ACMSD: variants seen among roughly 807,000 people sequenced by gnomAD.
The protein encoded by ACMSD is aminocarboxymuconate semialdehyde decarboxylase.
ACMSD carries 37 observed loss-of-function variants against 45.9 expected under a neutral mutation model. That is an observed-to-expected ratio of 0.81 (90% CI 0.62 to 1.06). The LOEUF is 1.06. Ranked by LOEUF, ACMSD falls within the 50% of genes least tolerant of loss-of-function variation. ACMSD has a pLI of 0.00. For synonymous variants in ACMSD, 138 were observed against 148.8 expected, an observed-to-expected ratio of 0.93 and a Z score of 0.53; for missense variants, 434 against 420.9, an observed-to-expected ratio of 1.03 and a Z score of -0.27.
At chr2:134,875,169 T>C (rs1337170711) in intron 8 of ACMSD, among the ~76,000 whole-genome samples, 2 of 152,268 alleles carry the variant, frequency 1.3e-5, no homozygotes, top group East Asian at 3.9e-4. Flanking sequence ...CCCAACTCTT[T>C]TTTTTATTTT....
intron 5 of ACMSD, among the ~76,000 whole-genome samples, chr2:134,865,656 C>A (rs1688062987): frequency 1.3e-5 from 2 of 152,166 alleles, no homozygotes; most frequent in Non-Finnish European, 2.9e-5. Context: ...CAATAATGTG[C>A]TGAAATGAAT....
intron 1 of ACMSD, among the ~76,000 whole-genome samples, chr2:134,841,304 A>C (rs1178783861): frequency 1.3e-5 from 2 of 152,060 alleles, no homozygotes; most frequent in East Asian, 3.9e-4. Flanking sequence ...CCTCCCCACC[A>C]CCACACCCAT....
intron 8 of ACMSD, chr2:134,873,795 A>C (rs1688591173): frequency 1.3e-5 from 2 of 152,056 alleles, no homozygotes. Context: ...GTGACTGTTG[A>C]TTGTTTTTGG....
chr2:134,872,574 C>T lies in ACMSD; in HGVS notation c.782C>T (p.Ser261Phe). ...ATGAACCCGAAGAAATACCTTGGTT[C>T]CTTTTACACAGATGCTTTGGTTCAT... ...NPMNPKKYLG[S>F]FYTDALVHDP... The change falls in exon 8 of 10, where the codon TCC becomes TTC. Residue 261 changes from serine (S) to phenylalanine (F), a missense_variant. Physicochemically the swap from Ser to Phe is radical, Grantham distance 155 (BLOSUM62 -2). Transcript: ENST00000356140. 1 of 1,614,124 alleles carries T rather than the reference C, an allele frequency of 6.2e-7. No individual in the cohort carries two copies. Among genetic ancestry groups the T allele is most frequent in the Non-Finnish European group, 8.5e-7 (1 of 1,180,020 alleles).
chr2:134,870,825 C>T (rs1369448389), intron 6 of ACMSD, 140 bp from the exon 7 acceptor site: 1 of 642,114 alleles, frequency 1.6e-6, no homozygotes, highest in African/African-American at 1.8e-5. Flanking sequence ...AAAGTAATGT[C>T]CTATATAATA....
intron 2 of ACMSD, among the ~76,000 whole-genome samples, chr2:134,851,895 G>A (rs764887284): frequency 1.3e-5 from 2 of 151,982 alleles, no homozygotes; most frequent in Non-Finnish European, 2.9e-5. Flanking sequence ...CATGTCTGTT[G>A]GTCATTTGTA....
intron 8 of ACMSD, among the ~76,000 whole-genome samples, chr2:134,885,462 A>C (rs1411610785): frequency 2.1e-5 from 2 of 97,508 alleles, no homozygotes; most frequent in Non-Finnish European, 3.6e-5. Context: ...CATATGTTAG[A>C]TATGTGATTT....
chr2:134,880,547 T>C (rs1688982279), intron 8 of ACMSD, among the ~76,000 whole-genome samples: 1 of 152,188 alleles, frequency 6.6e-6, no homozygotes, highest in African/African-American at 2.4e-5. Flanking sequence ...GGCTTCTATT[T>C]AGTTGGTCTC....
chr2:134,888,854 G>A (rs1367805622), intron 8 of ACMSD, among the ~76,000 whole-genome samples: 2 of 152,132 alleles, frequency 1.3e-5, no homozygotes, highest in East Asian at 3.9e-4. Context: ...TGAGAGGAGA[G>A]AATGACCAAG....
At chr2:134,881,022 CAA>C (rs780829146) in intron 8 of ACMSD, among the ~76,000 whole-genome samples, 1 of 152,206 alleles carries the variant, frequency 6.6e-6, no homozygotes, top group Non-Finnish European at 1.5e-5. Flanking sequence ...TATTTAGAGA[CAA>C]AGTCTCACTC....
chr2:134,879,627 T>G (rs1267765059), intron 8 of ACMSD, among the ~76,000 whole-genome samples: 2 of 152,214 alleles, frequency 1.3e-5, no homozygotes, highest in Non-Finnish European at 2.9e-5. Context: ...AGGGTTTCTC[T>G]TGAGGTTCAA....
At chr2:134,885,291 T>TTATATAA (rs1689287908) in intron 8 of ACMSD, among the ~76,000 whole-genome samples, 2 of 38,474 alleles carry the variant, frequency 5.2e-5, no homozygotes, top group Admixed American at 1.1e-3. Flanking sequence ...TATATTATAT[T>TTATATAA]TATATATATA....
intron 2 of ACMSD, among the ~76,000 whole-genome samples, chr2:134,858,777 T>A (rs1687706459): frequency 6.6e-6 from 1 of 152,012 alleles, no homozygotes; most frequent in African/African-American, 2.4e-5. Context: ...CCCACAGGTA[T>A]TGACACTAGT....
At position 134,885,258 on chromosome 2, in the gene ACMSD, T is replaced by A. The variant is rs1244894098; in HGVS notation, c.849+12617T>A. Among the ~76,000 whole-genome samples the A allele has an allele frequency of 4.2e-3, 429 of 101,954 alleles. 3 individuals carry two copies. The highest frequency in any genetic ancestry group is 0.018 in the African/African-American group (408 of 22,344). 66.9% of individuals were successfully genotyped at this position (101,954 alleles called of 152,430 possible). A position where few individuals can be genotyped will look rare whatever the true frequency, so the allele number is the denominator to read the frequency against. On this transcript the variant is annotated intron_variant, in intron 8 of 9. Transcript: ENST00000356140. ...TATGTAAATATATATTTATATATAA[T>A]ATATATATAAATATATATATTATAT...
chr2:134,884,549 CTTTAGCAAGAGGAG>C (rs1689217503), intron 8 of ACMSD, among the ~76,000 whole-genome samples: 1 of 152,076 alleles, frequency 6.6e-6, no homozygotes, highest in Admixed American at 6.6e-5. Context: ...TTGTAAACAG[CTTTAGCAAGAGGAG>C]TTTAGAAATA....
chr2:134,884,013 C>A lies in ACMSD; in HGVS notation c.849+11372C>A, dbSNP rs1314583170. 2.6e-5 allele frequency among the ~76,000 whole-genome samples: 4 copies of A among 152,202 alleles called. No homozygotes were observed. In the East Asian group the frequency reaches 7.7e-4, roughly 29 times the overall value. ...TGTATGCCTATCGCTTTCTCTCTTGCGAAATTACTGACAAGTCAGAAATGG... is the reference window on the plus strand; with the variant it reads ...TGTATGCCTATCGCTTTCTCTCTTGAGAAATTACTGACAAGTCAGAAATGG... On this transcript the variant is annotated intron_variant, in intron 8 of 9. Coordinates refer to ENST00000356140, the MANE Select transcript of ACMSD (RefSeq NM_138326.3).
intron 8 of ACMSD, among the ~76,000 whole-genome samples, chr2:134,885,278 T>A (rs371346549): frequency 1.5e-4 from 8 of 53,732 alleles, no homozygotes; most frequent in African/African-American, 6.3e-4. Flanking sequence ...AATATATATA[T>A]TATATATTAT....
In ACMSD at chr2:134,872,527, T is replaced by C; in HGVS notation, c.735T>C (p.Asp245=). ...RISHGFSMRP[D]LCAQDNPMNP... The stretch of plus-strand genomic sequence containing the variant: ...CCCATGGATTCAGCATGCGCCCAGA[T>C]CTGTGTGCCCAGGACAACCCCATGA... Residue 245 remains aspartate (D), a synonymous_variant, in exon 8 of 10, where the codon GAT becomes GAC. Transcript: ENST00000356140. The C allele has an allele frequency of 6.2e-7, 1 of 1,614,142 alleles. No individual in the cohort carries two copies. Among genetic ancestry groups the C allele is most frequent in the Non-Finnish European group, 8.5e-7 (1 of 1,180,020 alleles).
Position 134,863,631 on chromosome 2 carries a change from G to A in ACMSD, c.486G>A (p.Ala162=), listed in dbSNP as rs762543196. Residue 162 remains alanine (A), a splice_region_variant and synonymous_variant, in exon 5 of 10, where the codon GCG becomes GCA. Transcript: ENST00000356140. ...LNAQELFPVY[A]AAERLKCSLF... ...CGCAGGAGCTCTTTCCTGTCTATGC[G>A]GTGAGTAGCGGGGCTGCTCAGCCAA... 26 of 1,613,692 alleles carry A rather than the reference G, an allele frequency of 1.6e-5. No individual in the cohort carries two copies. Among genetic ancestry groups the A allele is most frequent in the African/African-American group, 2.7e-5 (2 of 74,946 alleles).
Sources: allele counts gnomAD v4.1 joint callset (sites outside exome capture counted in the v4.1 genomes callset), GRCh38; gene constraint gnomAD v4.1.1; transcripts MANE v1.5; gene names NCBI Gene and HGNC (gene_info 2026-07-23, HGNC 2026-07-21).